The following CENPC variants were observed in gnomAD, a reference collection of about 807,000 sequenced individuals.
CENPC encodes CENP-C 1.
A neutral mutation model predicts 112.1 loss-of-function variants in CENPC; 63 were observed. That is an observed-to-expected ratio of 0.56 (90% CI 0.46 to 0.69). The LOEUF (loss-of-function observed/expected upper bound fraction) is 0.69, where lower values mean the gene tolerates loss of function less well. Ranked by LOEUF, CENPC falls within the 30% of genes least tolerant of loss-of-function variation. The probability of loss-of-function intolerance (pLI) is 0.00; values close to 1 mark genes in which losing one functional copy is unlikely to be tolerated. For missense variants in CENPC, 1,000 were observed against 1,103.8 expected (o/e 0.91, Z 1.33); for synonymous variants, 333 against 367.6 (o/e 0.91, Z 1.08).
intron 2 of CENPC, among the ~76,000 whole-genome samples, chr4:67,543,356 G>A (rs1044971912): frequency 1.3e-5 from 2 of 152,080 alleles, no homozygotes; most frequent in Non-Finnish European, 2.9e-5. Flanking sequence ...TTAAATACCT[G>A]TTCAAGGTCC....
At chr4:67,514,879 T>TA (rs1183343529) in intron 7 of CENPC, among the ~76,000 whole-genome samples, 192 bp from the exon 8 acceptor site, 1 of 151,974 alleles carries the variant, frequency 6.6e-6, no homozygotes, top group African/African-American at 2.4e-5. Flanking sequence ...TTTATAATAG[T>TA]AATGACATCA....
chr4:67,537,759 C>A (rs561539521), intron 4 of CENPC, among the ~76,000 whole-genome samples: 5 of 152,258 alleles, frequency 3.3e-5, no homozygotes, highest in Admixed American at 6.5e-5. Context: ...CACCACTACA[C>A]TCCAGCATGG....
Position 67,514,253 on chromosome 4 carries a change from C to A in CENPC, c.1265G>T (p.Arg422Ile). The A allele has an allele frequency of 6.2e-7, 1 of 1,612,344 alleles. No individual in the cohort carries two copies. The highest frequency in any genetic ancestry group is 8.5e-7 in the Non-Finnish European group (1 of 1,179,062). Residue 422 changes from arginine to isoleucine, a missense_variant, in exon 8 of 19, where the codon AGA becomes ATA. Coordinates refer to ENST00000273853, the MANE Select transcript of CENPC (RefSeq NM_001812.4). ...RSKRTIKQKQ[R>I]RKFMAKPAEE... ...AGCTGGTTTAGCCATGAATTTTCTT[C>A]TCTGTTTTTGTTTTATAGTCCTTTT...
intron 3 of CENPC, 106 bp downstream of exon 3, chr4:67,540,874 T>C (rs1726866579): frequency 1.3e-6 from 1 of 799,474 alleles, no homozygotes; most frequent in Non-Finnish European, 2.0e-6. Context: ...ATTTTCCATA[T>C]ATTTAAACCC....
At chr4:67,483,813 T>A (rs890239249) in intron 17 of CENPC, among the ~76,000 whole-genome samples, 2 of 151,838 alleles carry the variant, frequency 1.3e-5, no homozygotes, top group African/African-American at 4.8e-5. Context: ...GCTTATAGAA[T>A]AAGGAAATAA....
In CENPC at chr4:67,544,215, T is replaced by C; in HGVS notation, c.19-20A>G. ...ATGATCCTGAAAGAAAAGTAAATCA[T>C]CAATTTGGTTTCTTTAAGATAGAGT... is the stretch of plus-strand genomic sequence containing the variant. On this transcript the variant is annotated intron_variant, in intron 1 of 18. Transcript: ENST00000273853. 6.8e-7 allele frequency: 1 copy of C among 1,469,676 alleles called. No individual in the cohort carries two copies. The highest frequency in any genetic ancestry group is 1.2e-5 in the South Asian group (1 of 86,418). 91.0% of individuals were successfully genotyped at this position (1,469,676 alleles called of 1,614,324 possible). A position where few individuals can be genotyped will look rare whatever the true frequency, so the allele number is the denominator to read the frequency against.
intron 14 of CENPC, 120 bp from the exon 15 acceptor site, chr4:67,493,117 A>T (rs746542168): frequency 4.1e-6 from 3 of 736,480 alleles, no homozygotes; most frequent in Non-Finnish European, 6.3e-6. Context: ...GTCTGCAGCT[A>T]ATAGTTAAAA....
intron 4 of CENPC, among the ~76,000 whole-genome samples, chr4:67,539,605 G>C (rs942946187): frequency 2.0e-5 from 3 of 152,116 alleles, no homozygotes; most frequent in Non-Finnish European, 2.9e-5. Context: ...TTTAGGAGAA[G>C]TGAAAAATGT....
intron 4 of CENPC, among the ~76,000 whole-genome samples, chr4:67,532,771 T>C (rs1405852737): frequency 6.6e-6 from 1 of 151,730 alleles, no homozygotes; most frequent in Non-Finnish European, 1.5e-5. Flanking sequence ...GGGGGAAGGA[T>C]AGCATTAGGA....
intron 12 of CENPC, among the ~76,000 whole-genome samples, chr4:67,501,840 G>A (rs1282650992): frequency 3.3e-5 from 5 of 152,188 alleles, no homozygotes; most frequent in Non-Finnish European, 5.9e-5. Flanking sequence ...AGGAGGCAGG[G>A]AGGGAGATGG....
intron 18 of CENPC, among the ~76,000 whole-genome samples, chr4:67,473,965 T>A (rs1373770386): frequency 6.6e-6 from 1 of 152,244 alleles, no homozygotes. Flanking sequence ...CTTGAAACAG[T>A]TTAAAATAAT....
At position 67,519,214 on chromosome 4, in the gene CENPC, T is replaced by C; in HGVS notation, c.617+3A>G. On this transcript the variant is annotated splice_donor_region_variant and intron_variant, in intron 6 of 18. Coordinates refer to ENST00000273853, the MANE Select transcript of CENPC (RefSeq NM_001812.4). ...CGTTAACATTATTTAAATAAAATGT[T>C]ACCTTTTTTTGGTTTTAACTGAAAC... is the stretch of plus-strand genomic sequence containing the variant. The C allele has an allele frequency of 1.3e-6, 2 of 1,526,304 alleles. No individual in the cohort carries two copies. The highest frequency in any genetic ancestry group is 1.8e-6 in the Non-Finnish European group (2 of 1,134,910). 94.5% of individuals were successfully genotyped at this position (1,526,304 alleles called of 1,614,324 possible).
chr4:67,518,036 A>T, intron 7 of CENPC, 120 bp downstream of exon 7: 1 of 587,938 alleles, frequency 1.7e-6, no homozygotes, highest in South Asian at 4.0e-5. Context: ...AAAAATTTCA[A>T]TTAAAATTTT....
At chr4:67,481,806 G>C (rs888775718) in intron 17 of CENPC, among the ~76,000 whole-genome samples, 1 of 152,132 alleles carries the variant, frequency 6.6e-6, no homozygotes, top group Non-Finnish European at 1.5e-5. Flanking sequence ...AATTCTAAAA[G>C]ATAACATCAG....
intron 17 of CENPC, among the ~76,000 whole-genome samples, chr4:67,487,676 T>C (rs574847737): frequency 6.6e-6 from 1 of 151,876 alleles, no homozygotes; most frequent in South Asian, 2.1e-4. Context: ...TCTTATTATT[T>C]GTATTTAGGC....
At position 67,470,048 on chromosome 4, in the gene CENPC, T is replaced by C. The variant is rs957130212; in HGVS notation, c.*2557A>G. The C allele has an allele frequency of 2.0e-5, 3 of 152,228 alleles. No individual in the cohort carries two copies. The highest frequency in any genetic ancestry group is 7.2e-5 in the African/African-American group (3 of 41,454). 9.4% of individuals were successfully genotyped at this position (152,228 alleles called of 1,614,324 possible). A position where few individuals can be genotyped will look rare whatever the true frequency, so the allele number is the denominator to read the frequency against. ...AGTAAGAAACAATATTTTAAATTAATTTTAAATAGCTACAACTTGTGACTA... is the reference window on the plus strand; with the variant it reads ...AGTAAGAAACAATATTTTAAATTAACTTTAAATAGCTACAACTTGTGACTA... On this transcript the variant is annotated 3_prime_UTR_variant, in exon 19 of 19. Transcript: ENST00000273853.
At chr4:67,503,237 G>T (rs1225000149) in intron 12 of CENPC, among the ~76,000 whole-genome samples, 1 of 151,816 alleles carries the variant, frequency 6.6e-6, no homozygotes, top group Non-Finnish European at 1.5e-5. Context: ...GGCCTTCTTG[G>T]TGTTCCTCGA....
intron 5 of CENPC, among the ~76,000 whole-genome samples, chr4:67,527,872 A>G (rs1166716430): frequency 6.6e-6 from 1 of 151,756 alleles, no homozygotes; most frequent in Non-Finnish European, 1.5e-5. Context: ...AAAGACATAA[A>G]CTAAATTTAC....
At chr4:67,516,517 C>T (rs898168257) in intron 7 of CENPC, among the ~76,000 whole-genome samples, 2 of 151,908 alleles carry the variant, frequency 1.3e-5, no homozygotes, top group Non-Finnish European at 2.9e-5. Context: ...AATGAAAATG[C>T]CTTCTCTATT....
Sources: gnomAD v4.1 joint callset for allele counts (sites outside exome capture counted in the v4.1 genomes callset) on GRCh38, gnomAD v4.1.1 for gene constraint, MANE v1.5 for transcripts, NCBI Gene and HGNC (gene_info 2026-07-23, HGNC 2026-07-21) for gene names.